CACNA1E: variants seen among roughly 807,000 people sequenced by gnomAD.
The protein encoded by CACNA1E is voltage-dependent R-type calcium channel subunit alpha-1E.
CACNA1E carries 40 observed loss-of-function variants against 259.2 expected under a neutral mutation model. The ratio of observed to expected loss-of-function variants is 0.15; its 90% CI spans 0.12 to 0.20. The LOEUF (loss-of-function observed/expected upper bound fraction) is 0.20. Ranked by LOEUF, CACNA1E falls within the 10% of genes least tolerant of loss-of-function variation. The probability of loss-of-function intolerance (pLI) is 1.00; values close to 1 mark genes in which losing one functional copy is unlikely to be tolerated. For synonymous variants in CACNA1E, 1,104 were observed against 1,138.5 expected (o/e 0.97, Z 0.61); for missense variants, 1,874 against 3,040.1 (o/e 0.62, Z 9.02).
chr1:181,643,106 C>T (rs944720973), intron 6 of CACNA1E, among the ~76,000 whole-genome samples: 1 of 152,096 alleles, frequency 6.6e-6, no homozygotes, highest in Non-Finnish European at 1.5e-5. Flanking sequence ...TTTAAATAAA[C>T]TAATTTTATT....
chr1:181,399,042 G>A (rs954961876), intron 1 of CACNA1E, among the ~76,000 whole-genome samples: 7 of 152,094 alleles, frequency 4.6e-5, no homozygotes, highest in Non-Finnish European at 1.0e-4. Context: ...ACATGAACCT[G>A]GGTCCTTCAG....
intron 2 of CACNA1E, among the ~76,000 whole-genome samples, chr1:181,435,401 C>T (rs939532334): frequency 3.3e-5 from 5 of 152,232 alleles, no homozygotes; most frequent in Non-Finnish European, 7.3e-5. Flanking sequence ...ATTTATACCT[C>T]CACTAGCAGC....
At chr1:181,792,734 A>G (rs1661435285) in intron 44 of CACNA1E, among the ~76,000 whole-genome samples, 1 of 152,184 alleles carries the variant, frequency 6.6e-6, no homozygotes, top group Non-Finnish European at 1.5e-5. Context: ...TACGATCTCC[A>G]TCTGCCCAAG....
chr1:181,329,667 C>T (rs1449010499), intron 1 of CACNA1E, among the ~76,000 whole-genome samples: 1 of 152,214 alleles, frequency 6.6e-6, no homozygotes, highest in Non-Finnish European at 1.5e-5. Context: ...TCAGTGAGAT[C>T]TTCTGTCTCA....
In CACNA1E at chr1:181,355,637, A is replaced by C. The variant is rs1273055109; in HGVS notation, c.-15+37514A>C. On this transcript the variant is annotated intron_variant, in intron 1 of 11. Transcript: ENST00000524607. ...AAAACAAAACAAAACAAAACAAACC[A>C]GACAATGAGTACAAAGTACTTAGCC... Among the ~76,000 whole-genome samples the C allele has an allele frequency of 2.0e-5, 3 of 152,236 alleles. No individual in the cohort carries two copies. In the East Asian group the frequency reaches 5.8e-4, roughly 29 times the overall value.
chr1:181,456,032 A>G (rs1661443948), intron 2 of CACNA1E, among the ~76,000 whole-genome samples: 1 of 152,174 alleles, frequency 6.6e-6, no homozygotes. Flanking sequence ...GAGGAGAAGA[A>G]TTTGGTTTCA....
chr1:181,784,623 G>T lies in CACNA1E; in HGVS notation c.5471-38G>T, dbSNP rs1298558534. The T allele has an allele frequency of 3.6e-6, 5 of 1,372,648 alleles. No homozygotes were observed. The East Asian group carries it at 7.5e-5, about 21-fold the overall frequency. 85.0% of individuals were successfully genotyped at this position (1,372,648 alleles called of 1,614,324 possible). A position where few individuals can be genotyped will look rare whatever the true frequency, so the allele number is the denominator to read the frequency against. ...TCCTCCCTCAGTCCTGGTTATTTCT[G>T]GGTCTATTCTATTTATTAGTAATTT... On this transcript the variant is annotated intron_variant, in intron 40 of 47. Transcript: ENST00000367573.
At chr1:181,519,970 A>G (rs1037844461) in intron 3 of CACNA1E, among the ~76,000 whole-genome samples, 2 of 152,042 alleles carry the variant, frequency 1.3e-5, no homozygotes, top group Non-Finnish European at 2.9e-5. Flanking sequence ...ATGAAACTTC[A>G]TTTATGAAGT....
intron 7 of CACNA1E, among the ~76,000 whole-genome samples, chr1:181,687,892 A>ATAGAATATG (rs1340943467): frequency 6.6e-6 from 1 of 152,140 alleles, no homozygotes; most frequent in African/African-American, 2.4e-5. Context: ...ACTTGAAACC[A>ATAGAATATG]CCTTTATTCC....
At chr1:181,513,371 G>A (rs575714774) in intron 3 of CACNA1E, among the ~76,000 whole-genome samples, 1 of 152,124 alleles carries the variant, frequency 6.6e-6, no homozygotes, top group Non-Finnish European at 1.5e-5. Context: ...GCATATTTTG[G>A]TAAAAATCTG....
At chr1:181,447,683 A>G (rs1006919625) in intron 2 of CACNA1E, among the ~76,000 whole-genome samples, 5 of 152,220 alleles carry the variant, frequency 3.3e-5, no homozygotes, top group African/African-American at 9.6e-5. Flanking sequence ...GAGACCTGGT[A>G]TGGGCCTCCC....
At chr1:181,627,952 C>A (rs1410364732) in intron 6 of CACNA1E, among the ~76,000 whole-genome samples, 1 of 152,064 alleles carries the variant, frequency 6.6e-6, no homozygotes, top group African/African-American at 2.4e-5. Flanking sequence ...CATTTGAGAT[C>A]ATTGGAAATA....
At chr1:181,623,217 C>G (rs1370937157) in intron 6 of CACNA1E, among the ~76,000 whole-genome samples, 1 of 152,142 alleles carries the variant, frequency 6.6e-6, no homozygotes, top group Non-Finnish European at 1.5e-5. Flanking sequence ...TGGTAAACCC[C>G]TTTTCAAAAT....
At chr1:181,430,612 G>A (rs1659649636) in intron 2 of CACNA1E, among the ~76,000 whole-genome samples, 1 of 152,180 alleles carries the variant, frequency 6.6e-6, no homozygotes, top group African/African-American at 2.4e-5. Flanking sequence ...CAAGAACAAA[G>A]GCTGCTATGT....
chr1:181,742,167 C>T (rs943689142), intron 25 of CACNA1E, among the ~76,000 whole-genome samples: 2 of 152,188 alleles, frequency 1.3e-5, no homozygotes, highest in Non-Finnish European at 2.9e-5. Context: ...TGCTTTCTAA[C>T]TCTGCCCTGT....
intron 1 of CACNA1E, among the ~76,000 whole-genome samples, chr1:181,337,196 C>T (rs577709400): frequency 6.6e-6 from 1 of 150,932 alleles, no homozygotes; most frequent in East Asian, 1.9e-4. Flanking sequence ...CACTCTGTCG[C>T]CCAGGCTGGA....
intron 2 of CACNA1E, among the ~76,000 whole-genome samples, chr1:181,455,914 T>G (rs1283067961): frequency 1.3e-5 from 2 of 152,124 alleles, no homozygotes; most frequent in Admixed American, 6.5e-5. Context: ...GGAAGAAGGC[T>G]CAACAGGATG....
At chr1:181,322,002 G>T (rs1650388628) in intron 1 of CACNA1E, among the ~76,000 whole-genome samples, 1 of 152,156 alleles carries the variant, frequency 6.6e-6, no homozygotes, top group South Asian at 2.1e-4. Flanking sequence ...TCTACTGGGG[G>T]AGGGTAGGCG....
chr1:181,405,825 C>T (rs529860382), intron 1 of CACNA1E, among the ~76,000 whole-genome samples: 64 of 152,306 alleles, frequency 4.2e-4, no homozygotes, highest in Admixed American at 2.2e-3. Flanking sequence ...CAAAATCTTT[C>T]AAGTGCTTAG....
Sources: gnomAD v4.1 joint callset for allele counts (sites outside exome capture counted in the v4.1 genomes callset) on GRCh38, gnomAD v4.1.1 for gene constraint, MANE v1.5 for transcripts, NCBI Gene and HGNC (gene_info 2026-07-23, HGNC 2026-07-21) for gene names.